The following FRYL variants were observed in gnomAD, a reference collection of about 807,000 sequenced individuals.
FRYL encodes protein furry homolog-like.
A neutral mutation model predicts 351.2 loss-of-function variants in FRYL; 150 were observed. That is an observed-to-expected ratio of 0.43 (90% CI 0.37 to 0.49). The LOEUF is 0.49. Among genes scored for constraint, FRYL ranks in the 20% least tolerant of loss-of-function variants. The pLI is 0.00. For synonymous variants in FRYL, 1,153 were observed against 1,257.1 expected, an observed-to-expected ratio of 0.92 and a Z score of 1.75; for missense variants, 3,036 against 3,619.3, an observed-to-expected ratio of 0.84 and a Z score of 4.13.
chr4:48,621,298 T>C (rs1371638505), intron 5 of FRYL, among the ~76,000 whole-genome samples: 1 of 152,346 alleles, frequency 6.6e-6, no homozygotes, highest in South Asian at 2.1e-4. Flanking sequence ...CAAATTAGCA[T>C]GTTAGAAACA....
At chr4:48,689,199 T>C (rs118008396) in intron 2 of FRYL, among the ~76,000 whole-genome samples, 2 of 152,350 alleles carry the variant, frequency 1.3e-5, no homozygotes, top group East Asian at 1.9e-4. Context: ...ACAGCAGTTA[T>C]TGTCATATTA....
At chr4:48,755,618 C>G (rs1294618129) in intron 1 of FRYL, among the ~76,000 whole-genome samples, 1 of 152,164 alleles carries the variant, frequency 6.6e-6, no homozygotes, top group African/African-American at 2.4e-5. Flanking sequence ...TCTAATAATC[C>G]TCTCTAAAAA....
At chr4:48,709,788 C>T (rs1327476566) in intron 2 of FRYL, among the ~76,000 whole-genome samples, 3 of 152,166 alleles carry the variant, frequency 2.0e-5, no homozygotes, top group Non-Finnish European at 4.4e-5. Context: ...CTAAAATGTA[C>T]CCCAATTTTC....
chr4:48,779,677 G>T (rs554077709), intron 1 of FRYL, among the ~76,000 whole-genome samples: 4 of 151,988 alleles, frequency 2.6e-5, no homozygotes, highest in African/African-American at 9.7e-5. Context: ...AGTCGGTGGC[G>T]AGGCGGCGCG....
intron 23 of FRYL, among the ~76,000 whole-genome samples, chr4:48,576,880 C>G (rs1196107136): frequency 1.3e-5 from 2 of 152,130 alleles, no homozygotes; most frequent in African/African-American, 2.4e-5. Context: ...AATTCATATA[C>G]ATGAACTATA....
chr4:48,723,970 C>T (rs1303943578), intron 1 of FRYL, among the ~76,000 whole-genome samples: 9 of 111,144 alleles, frequency 8.1e-5, no homozygotes, highest in East Asian at 8.0e-4. Flanking sequence ...ATAATAATAA[C>T]AAAAAAAATT....
At chr4:48,696,409 CAACA>C (rs989800149) in intron 2 of FRYL, among the ~76,000 whole-genome samples, 2 of 152,094 alleles carry the variant, frequency 1.3e-5, no homozygotes, top group Non-Finnish European at 2.9e-5. Flanking sequence ...CCATCATCCT[CAACA>C]AACTAACACA....
intron 7 of FRYL, chr4:48,617,538 G>A (rs1042058392): frequency 1.3e-5 from 2 of 151,612 alleles, no homozygotes; most frequent in Non-Finnish European, 2.9e-5. Flanking sequence ...TTTATATTTT[G>A]TAGAGATGGG....
At chr4:48,548,855 G>T in intron 39 of FRYL, 62 bp from the exon 40 acceptor site, 1 of 926,244 alleles carries the variant, frequency 1.1e-6, no homozygotes, top group Non-Finnish European at 1.7e-6. Context: ...GAGAGAATTT[G>T]GTACAAAATT....
chr4:48,760,822 G>A (rs1307830887), intron 1 of FRYL, among the ~76,000 whole-genome samples: 3 of 151,974 alleles, frequency 2.0e-5, no homozygotes, highest in South Asian at 2.1e-4. Context: ...GACTACAGTC[G>A]TGCACAACCA....
intron 3 of FRYL, among the ~76,000 whole-genome samples, chr4:48,669,921 ATTT>A (rs56756869): frequency 6.7e-6 from 1 of 149,572 alleles, no homozygotes; most frequent in Non-Finnish European, 1.5e-5. Flanking sequence ...TTTACTGTCA[ATTT>A]TTTTTTTACA....
chr4:48,656,351 C>CTAAATATATTATATAATATATAA (rs1560799679), intron 3 of FRYL, among the ~76,000 whole-genome samples: 12 of 132,370 alleles, frequency 9.1e-5, no homozygotes, highest in South Asian at 2.3e-4. Flanking sequence ...ATAATATATA[C>CTAAATATATTATATAATATATAA]TAAATATATT....
Position 48,512,584 on chromosome 4 carries a change from T to C in FRYL, c.8042A>G (p.Asp2681Gly). The part of the protein sequence containing the change: ...IIAAFQPVAY[D>G]DEEEAWRCHV... ...GCAGCGCCAGGCTTCCTCTTCATCA[T>C]CATATGCCACGGGCTGAAAGGCGGC... The change falls in exon 57 of 64, where the codon GAT (aspartate) becomes GGT (glycine). Residue 2681 changes from aspartate (D) to glycine (G), a missense_variant. Physicochemically the swap from Asp to Gly is moderately conservative, Grantham distance 94. This residue lies in a region of FRYL where 1,987 missense variants were observed against 2,311.7 expected (regional missense o/e 0.86). Transcript: ENST00000358350. The C allele has an allele frequency of 6.2e-7, 1 of 1,614,058 alleles. No individual in the cohort carries two copies. Among genetic ancestry groups the C allele is most frequent in the South Asian group, 1.1e-5 (1 of 91,088 alleles).
At chr4:48,517,263 A>G (rs900185553) in intron 55 of FRYL, among the ~76,000 whole-genome samples, 3 of 152,228 alleles carry the variant, frequency 2.0e-5, no homozygotes, top group African/African-American at 7.2e-5. Context: ...CTACATCAAC[A>G]TGAACATACT....
In FRYL at chr4:48,510,164, A is replaced by G; in HGVS notation, c.8296-7T>C. ...GCAAACCACATGACATCAGCTGTCAAATCAGAAGTATTGATCCAGGTTACC... is the reference window on the plus strand; with the variant it reads ...GCAAACCACATGACATCAGCTGTCAGATCAGAAGTATTGATCCAGGTTACC... On this transcript the variant is annotated splice_region_variant and splice_polypyrimidine_tract_variant and intron_variant, in intron 58 of 63. Coordinates refer to ENST00000358350, the MANE Select transcript of FRYL (RefSeq NM_015030.2). The G allele has an allele frequency of 6.2e-7, 1 of 1,602,938 alleles. No individual in the cohort carries two copies. Among genetic ancestry groups the G allele is most frequent in the Non-Finnish European group, 8.5e-7 (1 of 1,169,928 alleles).
chr4:48,771,795 C>T (rs901205799), intron 1 of FRYL, among the ~76,000 whole-genome samples: 1 of 152,102 alleles, frequency 6.6e-6, no homozygotes, highest in Non-Finnish European at 1.5e-5. Context: ...CATTTTTATC[C>T]ACCATTCAGC....
In FRYL at chr4:48,510,175, T is replaced by C. The variant is rs370537290; in HGVS notation, c.8296-18A>G. On this transcript the variant is annotated intron_variant, in intron 58 of 63. Coordinates refer to ENST00000358350, the MANE Select transcript of FRYL (RefSeq NM_015030.2). ...GACATCAGCTGTCAAATCAGAAGTA[T>C]TGATCCAGGTTACCATTTCTGATTG... The C allele has an allele frequency of 1.7e-5, 27 of 1,551,502 alleles. No homozygotes were observed. The highest frequency in any genetic ancestry group is 2.4e-5 in the Non-Finnish European group (27 of 1,123,316).
intron 1 of FRYL, among the ~76,000 whole-genome samples, chr4:48,733,996 G>C (rs1437108895): frequency 1.3e-5 from 2 of 152,004 alleles, no homozygotes; most frequent in African/African-American, 2.4e-5. Flanking sequence ...GACAAAAATA[G>C]GAACAAAGAA....
chr4:48,656,537 TTATA>T (rs1313165728), intron 3 of FRYL, among the ~76,000 whole-genome samples: 1 of 121,380 alleles, frequency 8.2e-6, no homozygotes, highest in Non-Finnish European at 1.6e-5. Context: ...CATATATGCA[TTATA>T]TATAATGTAT....
Sources: allele counts gnomAD v4.1 joint callset (sites outside exome capture counted in the v4.1 genomes callset), GRCh38; gene constraint gnomAD v4.1.1; regional missense constraint gnomAD v4.1.1; transcripts MANE v1.5; gene names NCBI Gene and HGNC (gene_info 2026-07-23, HGNC 2026-07-21).